The following MACROD2 variants were observed in gnomAD, a reference collection of about 807,000 sequenced individuals.
MACROD2 encodes the protein ADP-ribose glycohydrolase MACROD2.
In MACROD2, 36 loss-of-function variants were observed where a neutral mutation model predicts 70.4. That is an observed-to-expected ratio of 0.51 (90% CI 0.39 to 0.68). The LOEUF is 0.68. Among genes scored for constraint, MACROD2 ranks in the 30% least tolerant of loss-of-function variants. The probability of loss-of-function intolerance (pLI) is 0.00; values close to 1 mark genes in which losing one functional copy is unlikely to be tolerated. For synonymous variants in MACROD2, 172 were observed against 178.8 expected (o/e 0.96, Z 0.30); for missense variants, 496 against 538.4 (o/e 0.92, Z 0.78).
At chr20:15,305,360 G>A (rs1034208513) in intron 6 of MACROD2, among the ~76,000 whole-genome samples, 3 of 151,900 alleles carry the variant, frequency 2.0e-5, no homozygotes, top group African/African-American at 7.3e-5. Context: ...TTAAACAATA[G>A]TCCAGAATTA....
intron 5 of MACROD2, among the ~76,000 whole-genome samples, chr20:14,988,219 C>T (rs1273377277): frequency 6.6e-6 from 1 of 151,840 alleles, no homozygotes; most frequent in African/African-American, 2.4e-5. Context: ...CAAAAACTAG[C>T]AGGGCGAGGT....
In MACROD2 at chr20:15,248,166, G is replaced by A. The variant is rs76295661; in HGVS notation, c.540+18105G>A. Among the ~76,000 whole-genome samples, 2,310 of 152,310 alleles carry A rather than the reference G, an allele frequency of 0.015. 90 individuals carry two copies. In the East Asian group the frequency reaches 0.17, roughly 11 times the overall value. On this transcript the variant is annotated intron_variant, in intron 6 of 17. Transcript: ENST00000684519. Reference sequence around the variant, plus strand: ...GACTCTAGGCAAAGCCAGAACTTGAGGTCAGCGCATCTCACACTGCCTCTA... The same window carrying A: ...GACTCTAGGCAAAGCCAGAACTTGAAGTCAGCGCATCTCACACTGCCTCTA...
intron 2 of MACROD2, chr20:14,003,653 TG>T: frequency 2.2e-6 from 1 of 447,924 alleles, no homozygotes. Context: ...AACAGAAGGG[TG>T]GGAAGCCAGA....
intron 12 of MACROD2, among the ~76,000 whole-genome samples, chr20:15,965,300 A>G (rs1204636465): frequency 2.0e-5 from 3 of 152,196 alleles, no homozygotes; most frequent in Non-Finnish European, 4.4e-5. Context: ...CTAAAGACAC[A>G]GATTTTGGTG....
intron 5 of MACROD2, among the ~76,000 whole-genome samples, chr20:15,062,781 G>C (rs75531626): frequency 6.6e-6 from 1 of 152,144 alleles, no homozygotes; most frequent in Non-Finnish European, 1.5e-5. Flanking sequence ...ATGTCTGTAC[G>C]TGGCAATCCG....
intron 5 of MACROD2, among the ~76,000 whole-genome samples, chr20:14,856,826 T>C (rs982610507): frequency 1.3e-5 from 2 of 152,042 alleles, no homozygotes; most frequent in Non-Finnish European, 2.9e-5. Flanking sequence ...GCCGCCACCA[T>C]CATCACCACA....
intron 5 of MACROD2, among the ~76,000 whole-genome samples, chr20:15,031,316 C>T (rs1031732195): frequency 2.0e-5 from 3 of 152,184 alleles, no homozygotes; most frequent in African/African-American, 7.2e-5. Context: ...CTCTCCTTCC[C>T]GTCGCTGGCA....
At chr20:15,401,220 A>G (rs2045926156) in intron 6 of MACROD2, among the ~76,000 whole-genome samples, 1 of 152,018 alleles carries the variant, frequency 6.6e-6, no homozygotes, top group South Asian at 2.1e-4. Flanking sequence ...TTGTATTTTT[A>G]GTGGAGACGG....
chr20:15,797,218 A>G (rs1007980868), intron 8 of MACROD2, among the ~76,000 whole-genome samples: 2 of 152,038 alleles, frequency 1.3e-5, no homozygotes, highest in African/African-American at 4.8e-5. Context: ...GGTTCACGCC[A>G]TTCTCCTGCC....
intron 8 of MACROD2, among the ~76,000 whole-genome samples, chr20:15,766,904 A>C (rs1327558997): frequency 6.6e-6 from 1 of 152,190 alleles, no homozygotes; most frequent in Non-Finnish European, 1.5e-5. Context: ...TCATGGTGGC[A>C]GAAGGGATCC....
At chr20:15,771,116 A>T (rs1156992649) in intron 8 of MACROD2, among the ~76,000 whole-genome samples, 1 of 152,164 alleles carries the variant, frequency 6.6e-6, no homozygotes, top group Non-Finnish European at 1.5e-5. Context: ...CAGAGGGAAC[A>T]CACCATCAAA....
intron 3 of MACROD2, among the ~76,000 whole-genome samples, chr20:14,489,241 T>G (rs1466748645): frequency 6.6e-6 from 1 of 152,266 alleles, no homozygotes; most frequent in East Asian, 1.9e-4. Flanking sequence ...CTGTTGATTT[T>G]GTTTGGGAGG....
intron 5 of MACROD2, among the ~76,000 whole-genome samples, chr20:14,818,629 C>G (rs1394096902): frequency 6.6e-6 from 1 of 151,848 alleles, no homozygotes; most frequent in Non-Finnish European, 1.5e-5. Flanking sequence ...AGGATGCCAA[C>G]TAGCATATAG....
chr20:15,479,120 C>T (rs2047060179), intron 7 of MACROD2, among the ~76,000 whole-genome samples: 1 of 152,212 alleles, frequency 6.6e-6, no homozygotes, highest in South Asian at 2.1e-4. Context: ...CTCACAAATC[C>T]TTCTTGACAT....
chr20:15,836,385 TTGG>T (rs1373737278), intron 8 of MACROD2, among the ~76,000 whole-genome samples: 1 of 152,092 alleles, frequency 6.6e-6, no homozygotes, highest in Non-Finnish European at 1.5e-5. Flanking sequence ...TTACAACCAA[TTGG>T]TGGTCAGTTA....
intron 4 of MACROD2, among the ~76,000 whole-genome samples, chr20:14,564,162 A>G (rs980692410): frequency 2.6e-5 from 4 of 151,878 alleles, no homozygotes. Flanking sequence ...ATGAAACTGG[A>G]CCCCTATCTT....
At chr20:14,320,663 A>ATTTTTTTTTTTTTTT (rs11087086) in intron 3 of MACROD2, among the ~76,000 whole-genome samples, 1 of 123,664 alleles carries the variant, frequency 8.1e-6, no homozygotes, top group African/African-American at 3.4e-5. Context: ...CACCTTTGGA[A>ATTTTTTTTTTTTTTT]TTTTTTTTTT....
At chr20:15,952,518 C>T (rs1339256) in intron 12 of MACROD2, among the ~76,000 whole-genome samples, 143,751 of 152,108 alleles carry the variant, frequency 0.95, 68,238 homozygotes, top group East Asian at 1. Context: ...ATCCAACCAC[C>T]TGATTTATCA....
intron 4 of MACROD2, among the ~76,000 whole-genome samples, chr20:14,658,863 C>T (rs1986098074): frequency 6.6e-6 from 1 of 152,200 alleles, no homozygotes; most frequent in South Asian, 2.1e-4. Context: ...AACCACATGC[C>T]TCGGCCTCCC....
Sources: gnomAD v4.1 joint callset for allele counts (sites outside exome capture counted in the v4.1 genomes callset) on GRCh38, gnomAD v4.1.1 for gene constraint, MANE v1.5 for transcripts, NCBI Gene and HGNC (gene_info 2026-07-23, HGNC 2026-07-21) for gene names.